VASH1: variants seen among roughly 807,000 people sequenced by gnomAD.
The protein encoded by VASH1 is vasohibin 1, also known as tubulinyl-Tyr carboxypeptidase 1.
Under a neutral mutation model 35.0 loss-of-function variants are expected in VASH1, and 16 were observed. That is an observed-to-expected ratio of 0.46 (90% CI 0.31 to 0.70). VASH1 has a LOEUF of 0.70. Ranked by LOEUF, VASH1 falls within the 30% of genes least tolerant of loss-of-function variation. The pLI, the probability that VASH1 is intolerant of heterozygous loss-of-function variation, is 0.05. For missense variants in VASH1, 505 were observed against 510.7 expected (o/e 0.99, Z 0.11); for synonymous variants, 214 against 200.9 (o/e 1.07, Z -0.55).
Position 76,778,007 on chromosome 14 carries a change from G to A in VASH1, c.961G>A (p.Asp321Asn). Residue 321 changes from aspartate (D) to asparagine (N), a missense_variant, in exon 6 of 7, where the codon GAT (aspartate) becomes AAT (asparagine). Asp to Asn is a conservative substitution (Grantham distance 23, BLOSUM62 1). Transcript: ENST00000167106. ...PPSPTKDRKKDVSSPQRAQSS... is the reference protein window; with the variant it reads ...PPSPTKDRKKNVSSPQRAQSS... ...CTCTCCCACCAAGGACCGGAAGAAG[G>A]ATGTTTCTTCCCCGCAGCGGGCCCA... is the stretch of plus-strand genomic sequence containing the variant. 1 of 1,548,482 alleles carries A rather than the reference G, an allele frequency of 6.5e-7. No individual in the cohort carries two copies. Among genetic ancestry groups the A allele is most frequent in the Non-Finnish European group, 8.7e-7 (1 of 1,148,288 alleles).
At chr14:76,766,158 C>T (rs1893636116) in intron 1 of VASH1, among the ~76,000 whole-genome samples, 1 of 152,142 alleles carries the variant, frequency 6.6e-6, no homozygotes, top group Non-Finnish European at 1.5e-5. Flanking sequence ...TCATCGACAC[C>T]CCACTAGCGC....
chr14:76,774,709 C>T (rs1022233378), intron 4 of VASH1: 1 of 152,372 alleles, frequency 6.6e-6, no homozygotes, highest in Non-Finnish European at 1.5e-5. Context: ...GTGCATTTCT[C>T]ATCGCTGTAT....
intron 1 of VASH1, chr14:76,769,281 C>A (rs924903905): frequency 1.0e-4 from 130 of 1,286,374 alleles, no homozygotes; most frequent in Non-Finnish European, 1.3e-4. Flanking sequence ...GAAACCTGTA[C>A]TGACTAGGTG....
At chr14:76,774,527 C>T (rs1295535061) in intron 4 of VASH1, 1 of 152,256 alleles carries the variant, frequency 6.6e-6, no homozygotes, top group Non-Finnish European at 1.5e-5. Flanking sequence ...CCTATGGTCT[C>T]AAAGCTTTTC....
intron 4 of VASH1, 51 bp downstream of exon 4, chr14:76,773,262 C>T: frequency 6.3e-7 from 1 of 1,582,228 alleles, no homozygotes; most frequent in Non-Finnish European, 8.7e-7. Context: ...TGGGCCTCAG[C>T]TTCCTGCTCT....
rs1455159112 is a variant in VASH1 at position 76,762,761 on chromosome 14, G to T, written c.-61G>T. ...TGTGTTATCTCTGCAGCCGGTGTGT[G>T]GGAGGCCTCTTGTGAGCCAGTTGTT... On this transcript the variant is annotated 5_prime_UTR_variant, in exon 1 of 7. Coordinates refer to ENST00000167106, the MANE Select transcript of VASH1 (RefSeq NM_014909.5). 2 of 1,401,694 alleles carry T rather than the reference G, an allele frequency of 1.4e-6. No individual in the cohort carries two copies. Among genetic ancestry groups the T allele is most frequent in the Non-Finnish European group, 1.9e-6 (2 of 1,066,138 alleles). The allele number at this position is 1,401,694 out of a possible 1,614,324, so 86.8% of individuals were successfully genotyped here. A position where few individuals can be genotyped will look rare whatever the true frequency, so the allele number is the denominator to read the frequency against.
At chr14:76,767,485 G>T (rs191293564) in intron 1 of VASH1, among the ~76,000 whole-genome samples, 1 of 152,256 alleles carries the variant, frequency 6.6e-6, no homozygotes, top group African/African-American at 2.4e-5. Context: ...AGGACTAGGG[G>T]TTCCTGGAGC....
Position 76,762,931 on chromosome 14 carries a change from C to T in VASH1, c.110C>T (p.Thr37Ile), listed in dbSNP as rs1392398140. Residue 37 changes from threonine to isoleucine, a missense_variant, in exon 1 of 7, where the codon ACC becomes ATC. By Grantham distance (89) the Thr-to-Ile change is moderately conservative. Transcript: ENST00000167106. Reference protein sequence around the residue: ...GVRRLETSEGTSAQRDEEPEE... With the variant: ...GVRRLETSEGISAQRDEEPEE... ...AGGCGTTTGGAGACCAGCGAAGGAA[C>T]CTCAGCCCAGAGAGATGAGGAGCCA... 2 of 1,572,212 alleles carry T rather than the reference C, an allele frequency of 1.3e-6. No individual in the cohort carries two copies. Among genetic ancestry groups the T allele is most frequent in the Non-Finnish European group, 1.7e-6 (2 of 1,159,674 alleles).
chr14:76,763,435 T>G (rs780874972), intron 1 of VASH1, among the ~76,000 whole-genome samples: 5 of 152,208 alleles, frequency 3.3e-5, no homozygotes, highest in Non-Finnish European at 7.3e-5. Flanking sequence ...TCTCATTTGC[T>G]TGATGACACT....
intron 1 of VASH1, among the ~76,000 whole-genome samples, chr14:76,768,745 C>T (rs1244165087): frequency 6.6e-6 from 1 of 152,222 alleles, no homozygotes; most frequent in Non-Finnish European, 1.5e-5. Flanking sequence ...CAGCCCTACC[C>T]CCTTCCCTTC....
At chr14:76,769,245 G>A (rs1235698640) in intron 1 of VASH1, 5 of 1,260,302 alleles carry the variant, frequency 4.0e-6, no homozygotes, top group East Asian at 1.1e-4. Flanking sequence ...AGTGCGTTCT[G>A]GGGAGGAAGA....
chr14:76,773,379 C>CA (rs1893844908), intron 4 of VASH1, 168 bp downstream of exon 4: 2 of 655,862 alleles, frequency 3.0e-6, no homozygotes, highest in Admixed American at 2.8e-5. Context: ...AAGAACCCCC[C>CA]AAAATGGAGG....
At chr14:76,777,395 T>G (rs1373248309) in intron 5 of VASH1, among the ~76,000 whole-genome samples, 1 of 152,256 alleles carries the variant, frequency 6.6e-6, no homozygotes, top group Admixed American at 6.5e-5. Context: ...CCCTAGTGTT[T>G]AGAGCTGTGA....
At chr14:76,772,737 T>A (rs1893825759) in intron 3 of VASH1, among the ~76,000 whole-genome samples, 1 of 152,190 alleles carries the variant, frequency 6.6e-6, no homozygotes, top group Non-Finnish European at 1.5e-5. Flanking sequence ...CTACTGTGCT[T>A]CAGAAGGGAA....
rs779649671 is a variant in VASH1, at chr14:76,773,124, C to T, written c.456-13C>T. 2.5e-6 allele frequency: 4 copies of T among 1,613,534 alleles called. No homozygotes were observed. Among genetic ancestry groups the T allele is most frequent in the African/African-American group, 2.7e-5 (2 of 74,930 alleles). ...AGGCGCTGTCCTTACTGACCTGCCTCCCTTTCCCACAGGCTGATGGACCTG... is the reference window on the plus strand; with the variant it reads ...AGGCGCTGTCCTTACTGACCTGCCTTCCTTTCCCACAGGCTGATGGACCTG... On this transcript the variant is annotated splice_polypyrimidine_tract_variant and intron_variant, in intron 3 of 6. Coordinates refer to ENST00000167106, the MANE Select transcript of VASH1 (RefSeq NM_014909.5).
Position 76,776,129 on chromosome 14 carries a change from G to C in VASH1, c.768G>C (p.Lys256Asn). The C allele has an allele frequency of 6.2e-7, 1 of 1,609,956 alleles. No homozygotes were observed. Among genetic ancestry groups the C allele is most frequent in the African/African-American group, 1.3e-5 (1 of 75,054 alleles). ...AYGRCWHVLK[K>N]VKLGQSVSHD... is the part of the protein sequence containing the mutation. ...GCCGCTGCTGGCACGTGCTCAAGAA[G>C]GTGAAGCTGGGCCAGAGCGTGTCAC... The change falls in exon 5 of 7, where the codon AAG becomes AAC. Residue 256 changes from lysine to asparagine, a missense_variant. Coordinates refer to ENST00000167106, the MANE Select transcript of VASH1 (RefSeq NM_014909.5).
chr14:76,769,019 C>CGTG (rs1473064130), intron 1 of VASH1, among the ~76,000 whole-genome samples: 2 of 152,214 alleles, frequency 1.3e-5, no homozygotes, highest in African/African-American at 4.8e-5. Flanking sequence ...CCTCCTTGGC[C>CGTG]TCACTGACTT....
rs927087669 is a variant in VASH1, at chr14:76,779,180, A to C, written c.*162A>C. 3.8e-6 allele frequency: 3 copies of C among 792,266 alleles called. No individual in the cohort carries two copies. The highest frequency in any genetic ancestry group is 5.3e-5 in the East Asian group (2 of 38,032). 49.1% of individuals were successfully genotyped at this position (792,266 alleles called of 1,614,324 possible). On this transcript the variant is annotated 3_prime_UTR_variant, in exon 7 of 7. Transcript: ENST00000167106. The stretch of plus-strand genomic sequence containing the variant: ...AGCCCCCCAAGCTGCTCTCGCTCCC[A>C]CTGAGCCAAGCCCCCTAACTTTGGG...
chr14:76,768,047 G>C (rs1050680142), intron 1 of VASH1, among the ~76,000 whole-genome samples: 7 of 152,234 alleles, frequency 4.6e-5, no homozygotes, highest in Non-Finnish European at 8.8e-5. Flanking sequence ...AAGGTCACTG[G>C]ATCCCCACTT....
Sources: gnomAD v4.1 joint callset for allele counts (sites outside exome capture counted in the v4.1 genomes callset) on GRCh38, gnomAD v4.1.1 for gene constraint, MANE v1.5 for transcripts, NCBI Gene and HGNC (gene_info 2026-07-23, HGNC 2026-07-21) for gene names.